The following DESI1 variants were observed in gnomAD, a reference collection of about 807,000 sequenced individuals.
The protein encoded by DESI1 is desumoylating isopeptidase 1.
DESI1 carries 17 observed loss-of-function variants against 22.4 expected under a neutral mutation model. The ratio of observed to expected loss-of-function variants is 0.76; its 90% CI spans 0.52 to 1.14. The LOEUF (loss-of-function observed/expected upper bound fraction) is 1.14. Ranked by LOEUF, DESI1 falls within the 50% of genes most tolerant of loss-of-function variation. DESI1 has a pLI of 0.00. For missense variants in DESI1, 177 were observed against 208.9 expected (o/e 0.85, Z 0.94); for synonymous variants, 92 against 84.2 (o/e 1.09, Z -0.51).
At chr22:41,602,599 G>A in intron 5 of DESI1, 2 of 986,476 alleles carry the variant, frequency 2.0e-6, no homozygotes, top group Non-Finnish European at 2.4e-6. Context: ...GTCCTGGAAT[G>A]AGCAGAGGCT....
intron 3 of DESI1, among the ~76,000 whole-genome samples, chr22:41,605,915 A>G (rs2147040349): frequency 6.6e-6 from 1 of 152,306 alleles, no homozygotes; most frequent in African/African-American, 2.4e-5. Context: ...GGAGAGGCGT[A>G]ACCAGGTGAA....
In DESI1 at chr22:41,604,060, C is replaced by T. The variant is rs377578638; in HGVS notation, c.274G>A (p.Gly92Arg). 4 of 1,613,618 alleles carry T rather than the reference C, an allele frequency of 2.5e-6. No homozygotes were observed. Among genetic ancestry groups the T allele is most frequent in the African/African-American group, 1.3e-5 (1 of 74,870 alleles). Reference protein sequence around the residue: ...EIFLEYLSSLGESLFRGEAYN... With the variant: ...EIFLEYLSSLRESLFRGEAYN... ...TCCACTCACCGGAACAGGGACTCCC[C>T]CAGGGAGGAGAGGTACTCCAGAAAG... The change falls in exon 4 of 6, where the codon GGG becomes AGG. Residue 92 changes from glycine (G) to arginine (R), a missense_variant. Coordinates refer to ENST00000263256, the MANE Select transcript of DESI1 (RefSeq NM_015704.3).
At chr22:41,602,961 C>T in intron 5 of DESI1, 1 of 556,614 alleles carries the variant, frequency 1.8e-6, no homozygotes, top group South Asian at 2.7e-5. Flanking sequence ...ATGCTTCGAG[C>T]ACAATGGGAA....
rs772416975 is a variant in DESI1 at position 41,607,814 on chromosome 22, A to T, written c.110+26T>A. On this transcript the variant is annotated intron_variant, in intron 2 of 5. Transcript: ENST00000263256. ...GTGCTGCCTTGTTTCAAAACTAGTC[A>T]AAGTAAGGAGACCCACCCAACTTAC... The T allele has an allele frequency of 3.1e-6, 5 of 1,614,136 alleles. No individual in the cohort carries two copies. In the East Asian group the frequency reaches 1.1e-4, roughly 36 times the overall value.
intron 1 of DESI1, among the ~76,000 whole-genome samples, chr22:41,609,768 AAC>A (rs2067505189): frequency 6.6e-6 from 1 of 151,332 alleles, no homozygotes; most frequent in Non-Finnish European, 1.5e-5. Context: ...TAGCCTGGGC[AAC>A]AGAGTGAGAC....
At position 41,599,507 on chromosome 22, in the gene DESI1, G is replaced by C. The variant is rs1485970610; in HGVS notation, c.*1590C>G. 3.3e-5 allele frequency: 5 copies of C among 152,122 alleles called. No homozygotes were observed. Among genetic ancestry groups the C allele is most frequent in the Non-Finnish European group, 5.9e-5 (4 of 68,012 alleles). 9.4% of individuals were successfully genotyped at this position (152,122 alleles called of 1,614,324 possible). On this transcript the variant is annotated 3_prime_UTR_variant, in exon 6 of 6. Coordinates refer to ENST00000263256, the MANE Select transcript of DESI1 (RefSeq NM_015704.3). Reference sequence around the variant, plus strand: ...GCCTTCAAAACACATTTAGGATAAGGGAAAGTCCCTATCAGAAACGATTCT... The same window carrying C: ...GCCTTCAAAACACATTTAGGATAAGCGAAAGTCCCTATCAGAAACGATTCT...
At chr22:41,614,986 C>T (rs187370306) in intron 1 of DESI1, among the ~76,000 whole-genome samples, 1 of 151,026 alleles carries the variant, frequency 6.6e-6, no homozygotes, top group Admixed American at 6.6e-5. Flanking sequence ...AAGAGTTTCA[C>T]AGCTAAAGAG....
At chr22:41,614,582 C>T (rs2067538315) in intron 1 of DESI1, among the ~76,000 whole-genome samples, 1 of 50,406 alleles carries the variant, frequency 2.0e-5, no homozygotes, top group Admixed American at 1.4e-4. Flanking sequence ...CTGTGCCCGG[C>T]CTACATCCTT....
intron 1 of DESI1, among the ~76,000 whole-genome samples, chr22:41,609,742 T>C (rs1288963611): frequency 2.7e-5 from 4 of 150,728 alleles, no homozygotes; most frequent in Admixed American, 6.6e-5. Flanking sequence ...TGAGCCGAGA[T>C]TGCGCCACTG....
At chr22:41,603,694 C>G (rs1601508741) in intron 4 of DESI1, among the ~76,000 whole-genome samples, 1 of 152,320 alleles carries the variant, frequency 6.6e-6, no homozygotes, top group African/African-American at 2.4e-5. Context: ...CAGAGAAAAT[C>G]TGCTCAAGTT....
chr22:41,607,235 G>T (rs1273672489), intron 3 of DESI1, 27 bp downstream of exon 3: 3 of 1,581,496 alleles, frequency 1.9e-6, no homozygotes, highest in South Asian at 1.2e-5. Flanking sequence ...TGAGACTGCA[G>T]GACAGAGTGT....
intron 1 of DESI1, among the ~76,000 whole-genome samples, chr22:41,617,699 A>C (rs2067558901): frequency 6.6e-6 from 1 of 152,282 alleles, no homozygotes; most frequent in African/African-American, 2.4e-5. Context: ...TAGAGAAGAC[A>C]GAAGTAGATT....
In DESI1 at chr22:41,601,124, G is replaced by A. The variant is rs780782987; in HGVS notation, c.480C>T (p.Ser160=). The A allele has an allele frequency of 3.7e-6, 6 of 1,613,326 alleles. No individual in the cohort carries two copies. The highest frequency in any genetic ancestry group is 2.2e-5 in the South Asian group (2 of 90,930). ...SIQIQPPGGS[S]VGRPNGQS Reference sequence around the variant, plus strand: ...AGCTCTGGCCGTTGGGTCTGCCCACGGAGCTCCCTCCTGGAGGCTGGATCT... The same window carrying A: ...AGCTCTGGCCGTTGGGTCTGCCCACAGAGCTCCCTCCTGGAGGCTGGATCT... The change falls in exon 6 of 6, where the codon TCC becomes TCT. Residue 160 remains serine (S), a synonymous_variant. Coordinates refer to ENST00000263256, the MANE Select transcript of DESI1 (RefSeq NM_015704.3).
intron 1 of DESI1, among the ~76,000 whole-genome samples, chr22:41,616,912 A>T (rs2067554565): frequency 1.3e-5 from 2 of 152,216 alleles, no homozygotes; most frequent in South Asian, 4.1e-4. Flanking sequence ...ACAGAGCTAG[A>T]TGAGGTCTCC....
chr22:41,601,204 G>A lies in DESI1; in HGVS notation c.414-14C>T. The A allele has an allele frequency of 6.3e-7, 1 of 1,599,346 alleles. No individual in the cohort carries two copies. On this transcript the variant is annotated splice_polypyrimidine_tract_variant and intron_variant, in intron 5 of 5. Coordinates refer to ENST00000263256, the MANE Select transcript of DESI1 (RefSeq NM_015704.3). ...TGTCCAAAGGGCCTGCAAGGAAACA[G>A]AGACATGAGAGGGGTGGGCTCTGGG...
Position 41,598,788 on chromosome 22 carries a change from G to GACC in DESI1, c.*2306_*2308dup, listed in dbSNP as rs2067434201. On this transcript the variant is annotated 3_prime_UTR_variant, in exon 6 of 6. Transcript: ENST00000263256. ...TGGTGGGAAACAGAGCACTGGCCAA[G>GACC]ACCAACCTGCTACCCTCCCAGAAGA... The GACC allele has an allele frequency of 6.6e-6, 1 of 152,430 alleles. No individual in the cohort carries two copies. The highest frequency in any genetic ancestry group is 1.5e-5 in the Non-Finnish European group (1 of 68,208). The allele number at this position is 152,430 out of a possible 1,614,324, so 9.4% of individuals were successfully genotyped here.
intron 3 of DESI1, 95 bp from the exon 4 acceptor site, chr22:41,604,248 G>GA: frequency 1.3e-4 from 61 of 487,850 alleles, no homozygotes; most frequent in Non-Finnish European, 1.7e-4. Flanking sequence ...ACTCTGTTCT[G>GA]ACTTTTTTTT....
intron 5 of DESI1, 83 bp from the exon 6 acceptor site, chr22:41,601,273 A>C: frequency 7.5e-7 from 1 of 1,328,304 alleles, no homozygotes; most frequent in Non-Finnish European, 1.0e-6. Context: ...ACGGGTAGGG[A>C]GGAGGAGTGG....
chr22:41,612,656 C>A (rs958868238), intron 1 of DESI1, among the ~76,000 whole-genome samples: 2 of 148,644 alleles, frequency 1.3e-5, no homozygotes, highest in African/African-American at 2.5e-5. Flanking sequence ...AGTGCAGTAA[C>A]GCGATCAAAG....
Sources: allele counts gnomAD v4.1 joint callset (sites outside exome capture counted in the v4.1 genomes callset), GRCh38; gene constraint gnomAD v4.1.1; transcripts MANE v1.5; gene names NCBI Gene and HGNC (gene_info 2026-07-23, HGNC 2026-07-21).